The following ATG14 variants were observed in gnomAD, a reference collection of about 807,000 sequenced individuals.
ATG14 encodes the protein beclin 1-associated autophagy-related key regulator.
ATG14 carries 35 observed loss-of-function variants against 60.4 expected under a neutral mutation model. The observed-to-expected ratio is 0.58, with a 90% CI of 0.44 to 0.77. The LOEUF (loss-of-function observed/expected upper bound fraction) is 0.77. Ranked by LOEUF, ATG14 falls within the 30% of genes least tolerant of loss-of-function variation. ATG14 has a pLI of 0.00. For synonymous variants in ATG14, 234 were observed against 228.8 expected (o/e 1.02, Z -0.21); for missense variants, 647 against 626.3 (o/e 1.03, Z -0.35).
Position 55,367,177 on chromosome 14 carries a change from G to A in ATG14, c.*2442C>T, listed in dbSNP as rs1884698168. The A allele has an allele frequency of 6.6e-6, 1 of 152,154 alleles. No homozygotes were observed. The highest frequency in any genetic ancestry group is 1.5e-5 in the Non-Finnish European group (1 of 68,030). The allele number at this position is 152,154 out of a possible 1,614,324, so 9.4% of individuals were successfully genotyped here. A position where few individuals can be genotyped will look rare whatever the true frequency, so the allele number is the denominator to read the frequency against. On this transcript the variant is annotated 3_prime_UTR_variant, in exon 10 of 10. Transcript: ENST00000247178. ...TCTCTCATTCATGGTTTCATAAGAGGCTTAAGAAAACCATGACTGTTGTGC... is the reference window on the plus strand; with the variant it reads ...TCTCTCATTCATGGTTTCATAAGAGACTTAAGAAAACCATGACTGTTGTGC...
At position 55,378,057 on chromosome 14, in the gene ATG14, T is replaced by G. The variant is rs1320131325; in HGVS notation, c.1013A>C (p.Asn338Thr). ...TCGAGTAAATTTCTGCTTGCTTAGA[T>G]TTTCGCCACAAAATTCACTGTAAAA... is the stretch of plus-strand genomic sequence containing the variant. Reference protein sequence around the residue: ...KLCNSEFCGENLSKQKFTRAV... With the variant: ...KLCNSEFCGETLSKQKFTRAV... Residue 338 changes from asparagine (N) to threonine (T), a missense_variant, in exon 8 of 10, where the codon AAT becomes ACT. Transcript: ENST00000247178. The G allele has an allele frequency of 6.2e-7, 1 of 1,612,926 alleles. No homozygotes were observed. The highest frequency in any genetic ancestry group is 8.5e-7 in the Non-Finnish European group (1 of 1,179,234).
intron 9 of ATG14, among the ~76,000 whole-genome samples, chr14:55,373,943 G>A (rs1884870865): frequency 6.6e-6 from 1 of 152,156 alleles, no homozygotes; most frequent in African/African-American, 2.4e-5. Flanking sequence ...GTGAAAAGGG[G>A]ACTCCTGAAG....
intron 7 of ATG14, 49 bp from the exon 8 acceptor site, chr14:55,378,123 C>A (rs1884955943): frequency 6.6e-7 from 1 of 1,518,522 alleles, no homozygotes; most frequent in Non-Finnish European, 9.1e-7. Context: ...TGAGGAAATT[C>A]TATGTTAAAA....
In ATG14 at chr14:55,393,925, C is replaced by T. The variant is rs1272623650; in HGVS notation, c.327+2015G>A. Among the ~76,000 whole-genome samples, 4 of 151,820 alleles carry T rather than the reference C, an allele frequency of 2.6e-5. No individual in the cohort carries two copies. In the East Asian group the frequency reaches 7.7e-4, roughly 29 times the overall value. The stretch of plus-strand genomic sequence containing the variant: ...CTTTATCCTAGTTTATTATTTTTTT[C>T]CATTAATAAATACAACTTGGACATC... On this transcript the variant is annotated intron_variant, in intron 3 of 9. Transcript: ENST00000247178.
rs528496192 is a variant in ATG14 at position 55,370,028 on chromosome 14, C to T, written c.1173-103G>A. The stretch of plus-strand genomic sequence containing the variant: ...CCTCACCTGAGGGGATGAGGGACGC[C>T]GCACACCCCATTCATTCCCCAAGTC... On this transcript the variant is annotated intron_variant, in intron 9 of 9. Transcript: ENST00000247178. 7.4e-5 allele frequency: 83 copies of T among 1,121,244 alleles called. No individual in the cohort carries two copies. In the African/African-American group the frequency reaches 1.0e-3, roughly 14 times the overall value. 69.5% of individuals were successfully genotyped at this position (1,121,244 alleles called of 1,614,324 possible). A position where few individuals can be genotyped will look rare whatever the true frequency, so the allele number is the denominator to read the frequency against.
intron 1 of ATG14, among the ~76,000 whole-genome samples, chr14:55,408,685 T>A (rs1885526207): frequency 6.6e-6 from 1 of 152,140 alleles, no homozygotes; most frequent in Non-Finnish European, 1.5e-5. Flanking sequence ...ATGGGAGGAT[T>A]GCTTGAGCCC....
Position 55,411,675 on chromosome 14 carries a change from G to A in ATG14, c.148C>T (p.Arg50Cys), listed in dbSNP as rs776707711. 3.1e-6 allele frequency: 5 copies of A among 1,613,380 alleles called. No homozygotes were observed. Among genetic ancestry groups the A allele is most frequent in the Non-Finnish European group, 4.2e-6 (5 of 1,179,868 alleles). Residue 50 changes from arginine to cysteine, a missense_variant, in exon 1 of 10, where the codon CGC becomes TGC. Coordinates refer to ENST00000247178, the MANE Select transcript of ATG14 (RefSeq NM_014924.5). The part of the protein sequence containing the change: ...VERCPLCNTT[R>C]RRLTCAKCVQ... The stretch of plus-strand genomic sequence containing the variant: ...CATTTGGCGCAGGTCAGCCGCCGGC[G>A]GGTAGTGTTGCACAGCGGGCAGCGC...
Position 55,378,061 on chromosome 14 carries a change from C to T in ATG14, c.1009G>A (p.Glu337Lys), listed in dbSNP as rs772011319. The change falls in exon 8 of 10, where the codon GAA (glutamate) becomes AAA (lysine). Residue 337 changes from glutamate to lysine, a missense_variant. By Grantham distance (56) the Glu-to-Lys change is moderately conservative (BLOSUM62 1). Transcript: ENST00000247178. ...GTAAATTTCTGCTTGCTTAGATTTT[C>T]GCCACAAAATTCACTGTAAAACAAA... ...KKLCNSEFCG[E>K]NLSKQKFTRA... is the part of the protein sequence containing the mutation. The T allele has an allele frequency of 4.7e-5, 75 of 1,612,588 alleles. No individual in the cohort carries two copies. The highest frequency in any genetic ancestry group is 3.7e-5 in the Non-Finnish European group (44 of 1,179,152).
intron 1 of ATG14, among the ~76,000 whole-genome samples, chr14:55,410,997 C>A (rs1885562052): frequency 1.3e-5 from 2 of 152,314 alleles, no homozygotes; most frequent in East Asian, 1.9e-4. Context: ...AGCTCCCAAT[C>A]TGAATTTTAA....
At chr14:55,394,431 TAA>T (rs1885278703) in intron 3 of ATG14, among the ~76,000 whole-genome samples, 1 of 152,222 alleles carries the variant, frequency 6.6e-6, no homozygotes, top group African/African-American at 2.4e-5. Flanking sequence ...AATTCTTTTT[TAA>T]AGTTATTCCA....
rs1885513132 is a variant in ATG14 at position 55,407,740 on chromosome 14, T to C, written c.221+3862A>G. On this transcript the variant is annotated intron_variant, in intron 1 of 9. Transcript: ENST00000247178. ...TCCTCAAATAAATAATATTACACAT[T>C]GTGTGTGGTACCATGAAAGAAATAG... Among the ~76,000 whole-genome samples the C allele has an allele frequency of 3.3e-5, 5 of 152,164 alleles. No homozygotes were observed. The South Asian group carries it at 1.0e-3, about 32-fold the overall frequency.
At chr14:55,393,194 A>G (rs530144209) in intron 3 of ATG14, among the ~76,000 whole-genome samples, 26 of 151,390 alleles carry the variant, frequency 1.7e-4, no homozygotes, top group Admixed American at 1.6e-3. Context: ...ATCCTGGCTA[A>G]CACGGTGAAA....
chr14:55,371,826 G>A (rs1242552428), intron 9 of ATG14, among the ~76,000 whole-genome samples: 2 of 152,048 alleles, frequency 1.3e-5, no homozygotes, highest in South Asian at 2.1e-4. Flanking sequence ...AAAAAACAAA[G>A]AGCCCCTCAG....
At chr14:55,407,359 G>A (rs991029224) in intron 1 of ATG14, among the ~76,000 whole-genome samples, 2 of 152,204 alleles carry the variant, frequency 1.3e-5, no homozygotes, top group African/African-American at 2.4e-5. Flanking sequence ...TCGGTCTCTT[G>A]ACCTTGTAAT....
intron 3 of ATG14, among the ~76,000 whole-genome samples, chr14:55,393,147 C>T (rs1885248060): frequency 1.3e-5 from 2 of 152,006 alleles, no homozygotes; most frequent in African/African-American, 2.4e-5. Context: ...TTTGGGAGGC[C>T]AAGGTGGGCG....
chr14:55,406,012 T>A (rs1238610072), intron 1 of ATG14, among the ~76,000 whole-genome samples: 3 of 152,160 alleles, frequency 2.0e-5, no homozygotes, highest in Admixed American at 6.5e-5. Context: ...TAGGGAAGTC[T>A]TCCCATCGAA....
chr14:55,398,836 C>CT (rs1885356031), intron 1 of ATG14, among the ~76,000 whole-genome samples: 1 of 150,592 alleles, frequency 6.6e-6, no homozygotes, highest in Non-Finnish European at 1.5e-5. Flanking sequence ...TGGCTTGCTG[C>CT]TTAATAAGGG....
At position 55,371,983 on chromosome 14, in the gene ATG14, T is replaced by C. The variant is rs1003563149; in HGVS notation, c.1173-2058A>G. Among the ~76,000 whole-genome samples the C allele has an allele frequency of 2.0e-5, 3 of 152,198 alleles. No individual in the cohort carries two copies. In the South Asian group the frequency reaches 6.2e-4, roughly 31 times the overall value. ...CTGCAGTTTTTAGCTCTGAGCACCC[T>C]CTTCTCAAGTTTCTCCTTGCACTTC... On this transcript the variant is annotated intron_variant, in intron 9 of 9. Transcript: ENST00000247178.
chr14:55,380,520 A>G, intron 7 of ATG14, 53 bp downstream of exon 7: 1 of 1,203,378 alleles, frequency 8.3e-7, no homozygotes, highest in South Asian at 1.3e-5. Context: ...AAGACAAAAT[A>G]GAAACTTGAA....
Sources: allele counts gnomAD v4.1 joint callset (sites outside exome capture counted in the v4.1 genomes callset), GRCh38; gene constraint gnomAD v4.1.1; transcripts MANE v1.5; gene names NCBI Gene and HGNC (gene_info 2026-07-23, HGNC 2026-07-21).